The following CNTLN variants were observed in gnomAD, a reference collection of about 807,000 sequenced individuals.
CNTLN encodes centlein, centrosomal protein.
CNTLN carries 212 observed loss-of-function variants against 180.0 expected under a neutral mutation model. The ratio of observed to expected loss-of-function variants is 1.18; its 90% confidence interval spans 1.05 to 1.32. The LOEUF (loss-of-function observed/expected upper bound fraction) is 1.32, where lower values mean the gene tolerates loss of function less well. Ranked by LOEUF, CNTLN falls within the 40% of genes most tolerant of loss-of-function variation. The pLI is 0.00. For missense variants in CNTLN, 2,095 were observed against 1,610.9 expected (o/e 1.30, Z -5.14); for synonymous variants, 722 against 563.1 (o/e 1.28, Z -3.99).
intron 13 of CNTLN, among the ~76,000 whole-genome samples, chr9:17,367,013 A>C (rs1356793393): frequency 6.6e-6 from 1 of 152,204 alleles, no homozygotes; most frequent in Non-Finnish European, 1.5e-5. Context: ...CACAAAAAAA[A>C]CACCTACATA....
At chr9:17,405,385 C>T (rs542145437) in intron 15 of CNTLN, among the ~76,000 whole-genome samples, 25 of 151,798 alleles carry the variant, frequency 1.6e-4, no homozygotes, top group South Asian at 2.1e-4. Context: ...CTTACAGTTC[C>T]GGAAGCTGGG....
chr9:17,523,242 G>A, the CNTLN span, among the ~76,000 whole-genome samples: 3 of 151,976 alleles, frequency 2.0e-5, no homozygotes, highest in East Asian at 1.9e-4. Context: ...TTATACATAC[G>A]TTTTTTGTTT....
In CNTLN at chr9:17,135,355, C is replaced by T; in HGVS notation, c.290C>T (p.Ala97Val). The T allele has an allele frequency of 6.2e-7, 1 of 1,600,626 alleles. No individual in the cohort carries two copies. The highest frequency in any genetic ancestry group is 8.5e-7 in the Non-Finnish European group (1 of 1,174,524). The change falls in exon 1 of 26, where the codon GCG becomes GTG. Residue 97 changes from alanine (A) to valine (V), a missense_variant. Coordinates refer to ENST00000380647, the MANE Select transcript of CNTLN (RefSeq NM_017738.4). Reference protein sequence around the residue: ...RRLEGISVEEAMVTRTQLLEE... With the variant: ...RRLEGISVEEVMVTRTQLLEE... ...CTAGAGGGCATCTCGGTAGAGGAGG[C>T]GATGGTGACCCGGACGCAGCTGCTG... is the stretch of plus-strand genomic sequence containing the variant.
intron 2 of CNTLN, among the ~76,000 whole-genome samples, chr9:17,206,143 C>G (rs537362182): frequency 6.6e-6 from 1 of 152,128 alleles, no homozygotes; most frequent in African/African-American, 2.4e-5. Flanking sequence ...CTTGGAGAAT[C>G]GTCCCTGCTA....
At chr9:17,215,649 G>A (rs1283821713) in intron 2 of CNTLN, among the ~76,000 whole-genome samples, 1 of 152,142 alleles carries the variant, frequency 6.6e-6, no homozygotes, top group African/African-American at 2.4e-5. Flanking sequence ...TGCCCCCAGG[G>A]GTGGAGTCTG....
intron 15 of CNTLN, among the ~76,000 whole-genome samples, chr9:17,401,483 C>G (rs1434753319): frequency 6.7e-6 from 1 of 148,322 alleles, no homozygotes; most frequent in Non-Finnish European, 1.5e-5. Flanking sequence ...GAGCTACCTT[C>G]TACCTCAGTC....
At chr9:17,480,134 T>C (rs1324821858) in intron 23 of CNTLN, among the ~76,000 whole-genome samples, 2 of 152,110 alleles carry the variant, frequency 1.3e-5, no homozygotes, top group African/African-American at 2.4e-5. Context: ...AAGGCTATAG[T>C]GAGCTATGAT....
chr9:17,313,818 A>G (rs1302248210), intron 8 of CNTLN, among the ~76,000 whole-genome samples: 1 of 151,920 alleles, frequency 6.6e-6, no homozygotes, highest in African/African-American at 2.4e-5. Context: ...TTTTTTTGAT[A>G]CAGAGTCTCT....
At chr9:17,385,895 C>T (rs542286667) in intron 13 of CNTLN, among the ~76,000 whole-genome samples, 3 of 152,204 alleles carry the variant, frequency 2.0e-5, no homozygotes, top group East Asian at 3.9e-4. Flanking sequence ...GGAACAGGAA[C>T]GACTGTATGT....
At chr9:17,278,516 C>T (rs1828459914) in intron 6 of CNTLN, among the ~76,000 whole-genome samples, 1 of 152,102 alleles carries the variant, frequency 6.6e-6, no homozygotes, top group Non-Finnish European at 1.5e-5. Context: ...GAACATTTCT[C>T]ATCAAATTTA....
chr9:17,516,058 T>G, the CNTLN span, among the ~76,000 whole-genome samples: 1 of 152,202 alleles, frequency 6.6e-6, no homozygotes, highest in African/African-American at 2.4e-5. Flanking sequence ...TCAGTACCTT[T>G]GCACTGCAGT....
chr9:17,269,764 T>G (rs944319324), intron 5 of CNTLN, among the ~76,000 whole-genome samples: 1 of 152,188 alleles, frequency 6.6e-6, no homozygotes, highest in African/African-American at 2.4e-5. Flanking sequence ...ATTATTCTTT[T>G]AGTTCCATTT....
At chr9:17,431,312 A>G (rs1226894697) in intron 18 of CNTLN, among the ~76,000 whole-genome samples, 2 of 152,134 alleles carry the variant, frequency 1.3e-5, no homozygotes, top group Non-Finnish European at 2.9e-5. Context: ...AATGACATTG[A>G]ACATTTTTTC....
intron 8 of CNTLN, among the ~76,000 whole-genome samples, chr9:17,321,981 A>G (rs1249448521): frequency 6.6e-6 from 1 of 152,080 alleles, no homozygotes; most frequent in Non-Finnish European, 1.5e-5. Flanking sequence ...TTATCATCGT[A>G]TTTTTATACT....
chr9:17,232,209 T>A (rs10962918), intron 3 of CNTLN, among the ~76,000 whole-genome samples: 23,966 of 152,014 alleles, frequency 0.16, 2,142 homozygotes, highest in South Asian at 0.28. Context: ...TCAGTGCTCT[T>A]GTGTTGGGAG....
chr9:17,195,179 A>G (rs1048814720), intron 2 of CNTLN, among the ~76,000 whole-genome samples: 1 of 152,250 alleles, frequency 6.6e-6, no homozygotes, highest in Non-Finnish European at 1.5e-5. Context: ...CATTTATGTC[A>G]TGATGAATTC....
chr9:17,311,322 G>T (rs1819117800), intron 8 of CNTLN, among the ~76,000 whole-genome samples: 1 of 151,886 alleles, frequency 6.6e-6, no homozygotes, highest in Non-Finnish European at 1.5e-5. Flanking sequence ...ACCGTGCCTG[G>T]CCACCTCTTA....
the CNTLN span, among the ~76,000 whole-genome samples, chr9:17,515,541 T>C: frequency 6.6e-6 from 1 of 152,158 alleles, no homozygotes; most frequent in Middle Eastern, 3.2e-3. Context: ...GCTGAATTTG[T>C]GCTGCATTCC....
chr9:17,222,916 C>G (rs568226289), intron 2 of CNTLN, among the ~76,000 whole-genome samples: 1 of 152,084 alleles, frequency 6.6e-6, no homozygotes, highest in East Asian at 1.9e-4. Context: ...AATCCTCATA[C>G]TTCTTTATGC....
Sources: allele counts gnomAD v4.1 joint callset (sites outside exome capture counted in the v4.1 genomes callset), GRCh38; gene constraint gnomAD v4.1.1; transcripts MANE v1.5; gene names NCBI Gene and HGNC (gene_info 2026-07-23, HGNC 2026-07-21).